The following ELMO1 variants were observed in gnomAD, a reference collection of about 807,000 sequenced individuals.
ELMO1 encodes engulfment and cell motility protein 1.
A neutral mutation model predicts 98.9 loss-of-function variants in ELMO1; 26 were observed. The ratio of observed to expected loss-of-function variants is 0.26; its 90% CI spans 0.19 to 0.36. The LOEUF (loss-of-function observed/expected upper bound fraction) is 0.36. Ranked by LOEUF, ELMO1 falls within the 10% of genes least tolerant of loss-of-function variation. The probability of loss-of-function intolerance (pLI) is 1.00; values close to 1 mark genes in which losing one functional copy is unlikely to be tolerated. For synonymous variants in ELMO1, 346 were observed against 346.0 expected, an observed-to-expected ratio of 1.00 and a Z score of 0.00; for missense variants, 627 against 935.2, an observed-to-expected ratio of 0.67 and a Z score of 4.30.
chr7:37,160,549 C>T (rs34853387), intron 13 of ELMO1, among the ~76,000 whole-genome samples: 94,037 of 152,026 alleles, frequency 0.62, 31,305 homozygotes, highest in Non-Finnish European at 0.74. Context: ...TCAGACAGAA[C>T]AGCAGAGGAG....
At chr7:37,395,553 T>G (rs1344284809) in intron 1 of ELMO1, among the ~76,000 whole-genome samples, 1 of 152,166 alleles carries the variant, frequency 6.6e-6, no homozygotes, top group Non-Finnish European at 1.5e-5. Context: ...CAATTTTGTT[T>G]TCAGAACTTG....
intron 4 of ELMO1, among the ~76,000 whole-genome samples, chr7:37,295,365 G>A (rs1296712686): frequency 6.6e-6 from 1 of 152,092 alleles, no homozygotes; most frequent in Admixed American, 6.5e-5. Flanking sequence ...ATTTTTTGTA[G>A]TTTTTTGATA....
intron 13 of ELMO1, among the ~76,000 whole-genome samples, chr7:37,194,978 G>C (rs1791877349): frequency 6.6e-6 from 1 of 152,190 alleles, no homozygotes; most frequent in Non-Finnish European, 1.5e-5. Flanking sequence ...GGCAGGAACT[G>C]TGCTGGGTGC....
intron 16 of ELMO1, among the ~76,000 whole-genome samples, chr7:36,970,180 A>AACACAC (rs56928749): frequency 0.016 from 2,237 of 144,316 alleles, 29 homozygotes; most frequent in African/African-American, 0.029. Context: ...TCATACACTT[A>AACACAC]ACACACACAC....
intron 15 of ELMO1, among the ~76,000 whole-genome samples, chr7:37,075,741 G>A (rs902579799): frequency 1.3e-5 from 2 of 152,276 alleles, no homozygotes; most frequent in African/African-American, 2.4e-5. Flanking sequence ...ACATCACAAA[G>A]AGCCAGAAGT....
Position 37,090,054 on chromosome 7 carries a change from G to A in ELMO1, c.1300+6565C>T, listed in dbSNP as rs2129246880. ...CTACACACCTAAAAGAGATCCACCG[G>A]AAGAGATGGCCTCTTGTTCCTCTGA... On this transcript the variant is annotated intron_variant, in intron 15 of 21. Transcript: ENST00000310758. 2.0e-5 allele frequency among the ~76,000 whole-genome samples: 3 copies of A among 152,300 alleles called. 1 individual carries two copies. In the Middle Eastern group the frequency reaches 0.01, roughly 518 times the overall value.
At chr7:36,879,417 C>A (rs1192265760) in intron 18 of ELMO1, among the ~76,000 whole-genome samples, 1 of 152,228 alleles carries the variant, frequency 6.6e-6, no homozygotes, top group Non-Finnish European at 1.5e-5. Flanking sequence ...CTCATTATTG[C>A]ACCTGAAATA....
intron 4 of ELMO1, among the ~76,000 whole-genome samples, chr7:37,314,100 T>C (rs1283991393): frequency 6.6e-6 from 1 of 152,232 alleles, no homozygotes; most frequent in Non-Finnish European, 1.5e-5. Flanking sequence ...TTGCTTCTTG[T>C]AGAATCAAGT....
intron 13 of ELMO1, among the ~76,000 whole-genome samples, chr7:37,148,487 C>T (rs1022843877): frequency 6.6e-6 from 1 of 152,078 alleles, no homozygotes; most frequent in African/African-American, 2.4e-5. Context: ...TTTGAAGAAG[C>T]AGAATTAAGA....
chr7:37,269,983 AC>A (rs1796470902), intron 5 of ELMO1: 1 of 152,154 alleles, frequency 6.6e-6, no homozygotes, highest in South Asian at 2.1e-4. Flanking sequence ...AAAAAATGAA[AC>A]TAACTCCTTC....
intron 1 of ELMO1, among the ~76,000 whole-genome samples, chr7:37,403,663 A>G (rs547528925): frequency 3.3e-5 from 5 of 151,706 alleles, no homozygotes; most frequent in Middle Eastern, 3.4e-3. Flanking sequence ...TCACACCTCA[A>G]CCTCCAGAGT....
intron 16 of ELMO1, among the ~76,000 whole-genome samples, chr7:36,971,678 T>C (rs1789969371): frequency 2.0e-5 from 3 of 152,226 alleles, no homozygotes; most frequent in Admixed American, 2.0e-4. Flanking sequence ...CAGCTGTGCT[T>C]GGCCTCTGTG....
At chr7:36,889,916 T>C (rs576193939) in intron 17 of ELMO1, among the ~76,000 whole-genome samples, 176 of 152,338 alleles carry the variant, frequency 1.2e-3, no homozygotes, top group African/African-American at 3.9e-3. Flanking sequence ...ACCCGGCTCA[T>C]GGCAGGTGCC....
At chr7:37,188,066 T>C (rs1212531582) in intron 13 of ELMO1, among the ~76,000 whole-genome samples, 4 of 152,148 alleles carry the variant, frequency 2.6e-5, no homozygotes, top group Non-Finnish European at 4.4e-5. Flanking sequence ...AAATCTTGTC[T>C]TCAATGGCAA....
intron 1 of ELMO1, among the ~76,000 whole-genome samples, chr7:37,421,419 C>G (rs368084112): frequency 1.3e-5 from 2 of 152,220 alleles, no homozygotes; most frequent in East Asian, 3.8e-4. Flanking sequence ...TGCACCCTTC[C>G]GAAATACATT....
intron 14 of ELMO1, among the ~76,000 whole-genome samples, chr7:37,126,324 T>C (rs1786521774): frequency 1.4e-5 from 2 of 145,510 alleles, no homozygotes; most frequent in African/African-American, 5.1e-5. Context: ...TATATATATA[T>C]ATATAAAAGA....
chr7:37,153,633 G>A (rs1788516895), intron 13 of ELMO1, among the ~76,000 whole-genome samples: 1 of 152,174 alleles, frequency 6.6e-6, no homozygotes, highest in South Asian at 2.1e-4. Flanking sequence ...TGTTCACAGT[G>A]TAAACAAAGC....
intron 15 of ELMO1, among the ~76,000 whole-genome samples, chr7:37,088,452 A>G (rs1783897522): frequency 6.6e-6 from 1 of 152,208 alleles, no homozygotes; most frequent in South Asian, 2.1e-4. Context: ...GCTTGTGCAT[A>G]TTCAAGTTAA....
chr7:37,075,249 C>T (rs989008480), intron 15 of ELMO1, among the ~76,000 whole-genome samples: 7 of 151,492 alleles, frequency 4.6e-5, no homozygotes, highest in African/African-American at 9.7e-5. Context: ...CGGGTTCATG[C>T]CATTCTCCTG....
Sources: gnomAD v4.1 joint callset for allele counts (sites outside exome capture counted in the v4.1 genomes callset) on GRCh38, gnomAD v4.1.1 for gene constraint, MANE v1.5 for transcripts, NCBI Gene and HGNC (gene_info 2026-07-23, HGNC 2026-07-21) for gene names.